The following SMIM29 variants were observed in gnomAD, a reference collection of about 807,000 sequenced individuals.
SMIM29 encodes the protein small integral membrane protein 29, also known as uncharacterized protein C6orf1.
In SMIM29, 4 loss-of-function variants were observed where a neutral mutation model predicts 12.9. The observed-to-expected ratio is 0.31, with a 90% CI of 0.15 to 0.71. The LOEUF is 0.71. Ranked by LOEUF, SMIM29 falls within the 30% of genes least tolerant of loss-of-function variation. The pLI is 0.70. For missense variants in SMIM29, 122 were observed against 138.1 expected, an observed-to-expected ratio of 0.88 and a Z score of 0.58; for synonymous variants, 50 against 52.0, an observed-to-expected ratio of 0.96 and a Z score of 0.17.
chr6:34,248,059 G>T (rs959828527), intron 1 of SMIM29, 195 bp from the exon 2 acceptor site: 3 of 985,302 alleles, frequency 3.0e-6, no homozygotes, highest in Admixed American at 1.2e-4. Flanking sequence ...ATCAAGGGAA[G>T]GCCTGGATCC....
At chr6:34,248,908 T>C (rs1295705881) in intron 1 of SMIM29, 71 bp downstream of exon 1, 42 of 985,508 alleles carry the variant, frequency 4.3e-5, no homozygotes, top group Admixed American at 6.1e-5. Context: ...CCGAACATCC[T>C]GGAAGCCCGT....
Position 34,247,421 on chromosome 6 carries a change from CAGAACGGGTGTGGGGTT to C in SMIM29, c.137+29_137+45del, listed in dbSNP as rs756622933. 4.8e-6 allele frequency: 7 copies of C among 1,445,458 alleles called. No homozygotes were observed. In the African/African-American group the frequency reaches 8.3e-5, roughly 17 times the overall value. The allele number at this position is 1,445,458 out of a possible 1,614,324, so 89.5% of individuals were successfully genotyped here. A position where few individuals can be genotyped will look rare whatever the true frequency, so the allele number is the denominator to read the frequency against. ...AGTCAGAGCCTATGAGCAGGAATTT[CAGAACGGGTGTGGGGTT>C]AGGGCGGGTGGGGGACAGGGACACT... On this transcript the variant is annotated intron_variant, in intron 3 of 4. Transcript: ENST00000476320.
chr6:34,247,647 T>G, intron 2 of SMIM29, 34 bp downstream of exon 2: 1 of 1,436,298 alleles, frequency 7.0e-7, no homozygotes, highest in Non-Finnish European at 9.1e-7. Flanking sequence ...TTAGCAAAGC[T>G]GTGGGTGTCT....
At position 34,247,032 on chromosome 6, in the gene SMIM29, C is replaced by T; in HGVS notation, c.243+12G>A. ...CCTTGCCTCATTCTCCCCCTGGCCC[C>T]CAAGTGCTCACCTTGGGGTCTCCCA... is the stretch of plus-strand genomic sequence containing the variant. On this transcript the variant is annotated intron_variant, in intron 4 of 4. Coordinates refer to ENST00000476320, the MANE Select transcript of SMIM29 (RefSeq NM_001008703.4). The T allele has an allele frequency of 6.2e-7, 1 of 1,614,106 alleles. No homozygotes were observed. Among genetic ancestry groups the T allele is most frequent in the Middle Eastern group, 1.6e-4 (1 of 6,062 alleles).
In SMIM29 at chr6:34,246,583, T is replaced by C. The variant is rs992793263; in HGVS notation, c.*220A>G. ...GAAAGCCTCTTCCCATGAGTGCCTG[T>C]GGGTGGGCGGTGAGCTCAACACCCA... On this transcript the variant is annotated 3_prime_UTR_variant, in exon 5 of 5. Coordinates refer to ENST00000476320, the MANE Select transcript of SMIM29 (RefSeq NM_001008703.4). The C allele has an allele frequency of 8.7e-6, 14 of 1,608,154 alleles. No individual in the cohort carries two copies. Among genetic ancestry groups the C allele is most frequent in the Non-Finnish European group, 1.2e-5 (14 of 1,176,178 alleles).
rs761702562 is a variant in SMIM29 at position 34,247,135 on chromosome 6, C to T, written c.152G>A (p.Arg51His). ...GCTGTACATGGGGAGCAGGTGATGGCGCAGCCGGTCCACCCTGGGGAGCAG... is the reference window on the plus strand; with the variant it reads ...GCTGTACATGGGGAGCAGGTGATGGTGCAGCCGGTCCACCCTGGGGAGCAG... ...VQKKKRVDRL[R>H]HHLLPMYSYD... The change falls in exon 4 of 5, where the codon CGC becomes CAC. Residue 51 changes from arginine to histidine, a missense_variant. Physicochemically the swap from Arg to His is conservative, Grantham distance 29. Coordinates refer to ENST00000476320, the MANE Select transcript of SMIM29 (RefSeq NM_001008703.4). The T allele has an allele frequency of 2.9e-5, 47 of 1,613,938 alleles. No individual in the cohort carries two copies. The highest frequency in any genetic ancestry group is 3.6e-5 in the Non-Finnish European group (42 of 1,180,010).
rs943088923 is a variant in SMIM29 at position 34,248,067 on chromosome 6, T to C, written c.-73-203A>G. The stretch of plus-strand genomic sequence containing the variant: ...AAAGGGGATCAAGGGAAGGCCTGGA[T>C]CCAGGGCTGAGTCTTGCCCAACTCC... On this transcript the variant is annotated intron_variant, in intron 1 of 4. Coordinates refer to ENST00000476320, the MANE Select transcript of SMIM29 (RefSeq NM_001008703.4). The C allele has an allele frequency of 1.0e-5, 10 of 985,406 alleles. No homozygotes were observed. The Admixed American group carries it at 3.1e-4, about 30-fold the overall frequency. The allele number at this position is 985,406 out of a possible 1,614,324, so 61.0% of individuals were successfully genotyped here.
At chr6:34,246,894 A>T in intron 4 of SMIM29, 26 bp from the exon 5 acceptor site, 1 of 1,599,446 alleles carries the variant, frequency 6.3e-7, no homozygotes, top group Non-Finnish European at 8.5e-7. Context: ...CCACACCACA[A>T]GGCTGGGCTG....
At position 34,246,958 on chromosome 6, in the gene SMIM29, C is replaced by A. The variant is rs114233485; in HGVS notation, c.243+86G>T. 2.0e-3 allele frequency: 3,207 copies of A among 1,607,130 alleles called. 48 individuals are homozygous for A. In the African/African-American group the frequency reaches 0.035, roughly 18 times the overall value. On this transcript the variant is annotated intron_variant, in intron 4 of 4. Coordinates refer to ENST00000476320, the MANE Select transcript of SMIM29 (RefSeq NM_001008703.4). Reference sequence around the variant, plus strand: ...TACAGCCCAAGTAAGCAGAACCAGGCTCTGGTTTCAGTGTGGACGAGTATG... The same window carrying A: ...TACAGCCCAAGTAAGCAGAACCAGGATCTGGTTTCAGTGTGGACGAGTATG...
At chr6:34,248,261 G>A (rs1048168248) in intron 1 of SMIM29, 1 of 985,362 alleles carries the variant, frequency 1.0e-6, no homozygotes, top group African/African-American at 1.7e-5. Context: ...GAGGTCTAAA[G>A]GAAGGACCTG....
At position 34,246,723 on chromosome 6, in the gene SMIM29, G is replaced by T. The variant is rs150613234; in HGVS notation, c.*80C>A. 1.4e-4 allele frequency: 233 copies of T among 1,613,620 alleles called. No homozygotes were observed. Among genetic ancestry groups the T allele is most frequent in the Non-Finnish European group, 1.9e-4 (230 of 1,179,872 alleles). On this transcript the variant is annotated 3_prime_UTR_variant, in exon 5 of 5. Coordinates refer to ENST00000476320, the MANE Select transcript of SMIM29 (RefSeq NM_001008703.4). ...CCCAGCACCCAGCAGGGGGAGCCAGGTGACAGCAGGGGAAGCAGATGGCAG... is the reference window on the plus strand; with the variant it reads ...CCCAGCACCCAGCAGGGGGAGCCAGTTGACAGCAGGGGAAGCAGATGGCAG...
At chr6:34,248,312 C>T (rs769336483) in intron 1 of SMIM29, 13 of 985,314 alleles carry the variant, frequency 1.3e-5, no homozygotes, top group Middle Eastern at 5.2e-4. Context: ...TGAAGGAGCC[C>T]GCTTCCATCC....
At position 34,249,006 on chromosome 6, in the gene SMIM29, C is replaced by G; in HGVS notation, c.-101G>C. 1.0e-6 allele frequency: 1 copy of G among 985,618 alleles called. No individual in the cohort carries two copies. The highest frequency in any genetic ancestry group is 1.7e-5 in the African/African-American group (1 of 57,392). The allele number at this position is 985,618 out of a possible 1,614,324, so 61.1% of individuals were successfully genotyped here. A position where few individuals can be genotyped will look rare whatever the true frequency, so the allele number is the denominator to read the frequency against. ...CCCGCCGCTGCAGCCCCGACAGGAA[C>G]GCCCTCGGTTGGCTCCCGGGCCCCG... On this transcript the variant is annotated 5_prime_UTR_variant, in exon 1 of 5. Coordinates refer to ENST00000476320, the MANE Select transcript of SMIM29 (RefSeq NM_001008703.4).
Position 34,246,792 on chromosome 6 carries a change from A to T in SMIM29, c.*11T>A, listed in dbSNP as rs771095288. The T allele has an allele frequency of 6.2e-7, 1 of 1,613,118 alleles. No individual in the cohort carries two copies. The highest frequency in any genetic ancestry group is 1.1e-5 in the South Asian group (1 of 91,084). ...ACCCCAGGCTCTGAAGGGTGGGGCA[A>T]GGGGGTCAGGTCACGTCTTGACATC... is the stretch of plus-strand genomic sequence containing the variant. On this transcript the variant is annotated 3_prime_UTR_variant, in exon 5 of 5. Transcript: ENST00000476320.
rs374119291 is a variant in SMIM29 at position 34,246,695 on chromosome 6, A to G, written c.*108T>C. The G allele has an allele frequency of 6.2e-7, 1 of 1,613,880 alleles. No homozygotes were observed. The highest frequency in any genetic ancestry group is 8.5e-7 in the Non-Finnish European group (1 of 1,179,968). ...TGAGGGTGGGTGGAGGGAGAAATGG[A>G]GACCCAGCACCCAGCAGGGGGAGCC... is the stretch of plus-strand genomic sequence containing the variant. On this transcript the variant is annotated 3_prime_UTR_variant, in exon 5 of 5. Transcript: ENST00000476320.
At chr6:34,248,678 C>A (rs1762900112) in intron 1 of SMIM29, 10 of 985,540 alleles carry the variant, frequency 1.0e-5, no homozygotes, top group Non-Finnish European at 1.2e-5. Context: ...AAGGTATGAG[C>A]GACCTACCCC....
In SMIM29 at chr6:34,247,024, C is replaced by A. The variant is rs776072462; in HGVS notation, c.243+20G>T. ...GACTCCCACCTTGCCTCATTCTCCC[C>A]CTGGCCCCCAAGTGCTCACCTTGGG... On this transcript the variant is annotated intron_variant, in intron 4 of 4. Coordinates refer to ENST00000476320, the MANE Select transcript of SMIM29 (RefSeq NM_001008703.4). 1 of 1,613,896 alleles carries A rather than the reference C, an allele frequency of 6.2e-7. No individual in the cohort carries two copies. Among genetic ancestry groups the A allele is most frequent in the African/African-American group, 1.3e-5 (1 of 74,914 alleles).
chr6:34,248,016 A>G, intron 1 of SMIM29, 152 bp from the exon 2 acceptor site: 3 of 985,436 alleles, frequency 3.0e-6, no homozygotes, highest in Non-Finnish European at 3.6e-6. Flanking sequence ...GTGACCCTCC[A>G]GTGAGTCTTG....
At chr6:34,247,203 C>G in intron 3 of SMIM29, 54 bp from the exon 4 acceptor site, 2 of 1,524,782 alleles carry the variant, frequency 1.3e-6, no homozygotes, top group Non-Finnish European at 1.7e-6. Context: ...CCTCATCAAA[C>G]ACCTGGCTGC....
Sources: gnomAD v4.1 joint callset for allele counts on GRCh38, gnomAD v4.1.1 for gene constraint, MANE v1.5 for transcripts, NCBI Gene and HGNC (gene_info 2026-07-23, HGNC 2026-07-21) for gene names.